Variants in CHCHD6 observed in about 807,000 individuals in gnomAD.
CHCHD6 encodes MICOS complex subunit MIC25.
CHCHD6 carries 28 observed loss-of-function variants against 32.3 expected under a neutral mutation model. That is an observed-to-expected ratio of 0.87 (90% CI 0.64 to 1.19). CHCHD6 has a LOEUF of 1.19. Among genes scored for constraint, CHCHD6 ranks in the 50% most tolerant of loss-of-function variants. The probability of loss-of-function intolerance (pLI) is 0.00; values close to 1 mark genes in which losing one functional copy is unlikely to be tolerated. For missense variants in CHCHD6, 333 were observed against 307.0 expected, an observed-to-expected ratio of 1.08 and a Z score of -0.63; for synonymous variants, 122 against 117.5, an observed-to-expected ratio of 1.04 and a Z score of -0.25.
At chr3:126,721,317 G>A (rs950918657) in intron 1 of CHCHD6, among the ~76,000 whole-genome samples, 2 of 152,188 alleles carry the variant, frequency 1.3e-5, no homozygotes, top group African/African-American at 2.4e-5. Context: ...GGCGGCAGGC[G>A]CACGGTCTCT....
intron 4 of CHCHD6, among the ~76,000 whole-genome samples, chr3:126,848,951 C>T (rs1941380587): frequency 1.3e-5 from 2 of 152,294 alleles, no homozygotes; most frequent in South Asian, 4.1e-4. Context: ...TTTCTATTGT[C>T]ACCTACACCT....
At chr3:126,795,292 CT>C (rs1480033229) in intron 4 of CHCHD6, among the ~76,000 whole-genome samples, 3 of 152,160 alleles carry the variant, frequency 2.0e-5, no homozygotes, top group Non-Finnish European at 4.4e-5. Context: ...CCTCAGCTTT[CT>C]CTTGCATGAA....
intron 4 of CHCHD6, among the ~76,000 whole-genome samples, chr3:126,803,813 G>A (rs986427835): frequency 6.6e-6 from 1 of 152,182 alleles, no homozygotes. Context: ...ATAGTTGGAA[G>A]TAAAGCTCTC....
chr3:126,777,614 A>G (rs779543025), intron 4 of CHCHD6, among the ~76,000 whole-genome samples: 7 of 152,128 alleles, frequency 4.6e-5, no homozygotes, highest in African/African-American at 7.2e-5. Flanking sequence ...TTCCCACTCC[A>G]TACTTCCCAC....
At chr3:126,875,983 TGAG>T (rs2077534483) in intron 5 of CHCHD6, among the ~76,000 whole-genome samples, 1 of 152,242 alleles carries the variant, frequency 6.6e-6, no homozygotes, top group African/African-American at 2.4e-5. Context: ...TGGCATCTAA[TGAG>T]AACAACAGCT....
At chr3:126,875,216 G>A (rs1278777284) in intron 5 of CHCHD6, among the ~76,000 whole-genome samples, 1 of 152,232 alleles carries the variant, frequency 6.6e-6, no homozygotes, top group Non-Finnish European at 1.5e-5. Context: ...AGAATCCAGA[G>A]CAGGAAGAGG....
At chr3:126,911,139 G>C (rs2078084623) in intron 5 of CHCHD6, among the ~76,000 whole-genome samples, 1 of 152,224 alleles carries the variant, frequency 6.6e-6, no homozygotes, top group African/African-American at 2.4e-5. Flanking sequence ...CTGCCAGGCT[G>C]TCCTTTCAGG....
intron 1 of CHCHD6, among the ~76,000 whole-genome samples, chr3:126,708,182 C>G (rs1934586856): frequency 6.6e-6 from 1 of 152,208 alleles, no homozygotes; most frequent in Admixed American, 6.5e-5. Context: ...GCTAAGCACT[C>G]TGCCAAGTGT....
intron 5 of CHCHD6, among the ~76,000 whole-genome samples, chr3:126,858,678 A>G (rs1384939860): frequency 6.6e-6 from 1 of 152,208 alleles, no homozygotes. Flanking sequence ...ATGGAGAGAC[A>G]CAGCCAGAAT....
chr3:126,916,401 A>G (rs141872063), intron 6 of CHCHD6, among the ~76,000 whole-genome samples: 163 of 2,436 alleles, frequency 0.067, no homozygotes, highest in Non-Finnish European at 0.094. Context: ...AATCCATCTT[A>G]AAAAAAAAAA....
chr3:126,763,068 T>C (rs953535151), intron 4 of CHCHD6, among the ~76,000 whole-genome samples: 13 of 152,362 alleles, frequency 8.5e-5, no homozygotes, highest in Non-Finnish European at 1.6e-4. Context: ...TTTTGCTATT[T>C]GTATAGCTTT....
intron 4 of CHCHD6, among the ~76,000 whole-genome samples, chr3:126,835,464 G>A (rs986630857): frequency 7.2e-5 from 11 of 152,332 alleles, no homozygotes; most frequent in African/African-American, 2.2e-4. Context: ...GAGGTCTGAA[G>A]TGCCATCAGA....
chr3:126,832,963 C>T (rs1940702451), intron 4 of CHCHD6, among the ~76,000 whole-genome samples: 1 of 152,196 alleles, frequency 6.6e-6, no homozygotes, highest in African/African-American at 2.4e-5. Context: ...TTGGGTTATG[C>T]ACTTGGCAGA....
At chr3:126,873,275 G>T (rs2077500587) in intron 5 of CHCHD6, among the ~76,000 whole-genome samples, 2 of 152,204 alleles carry the variant, frequency 1.3e-5, no homozygotes. Flanking sequence ...AGACCTGGTG[G>T]TTGTTCAAGT....
chr3:126,844,185 C>T (rs886797502), intron 4 of CHCHD6, among the ~76,000 whole-genome samples: 1 of 152,140 alleles, frequency 6.6e-6, no homozygotes, highest in Non-Finnish European at 1.5e-5. Context: ...GCATGTGTTT[C>T]CTGCTGTTGT....
At chr3:126,875,077 C>G (rs768563839) in intron 5 of CHCHD6, among the ~76,000 whole-genome samples, 2 of 152,240 alleles carry the variant, frequency 1.3e-5, no homozygotes, top group Non-Finnish European at 2.9e-5. Context: ...GGAAGCCTCT[C>G]TGGATCCCAC....
intron 5 of CHCHD6, among the ~76,000 whole-genome samples, chr3:126,871,418 C>A (rs528958371): frequency 6.6e-6 from 1 of 152,102 alleles, no homozygotes; most frequent in Non-Finnish European, 1.5e-5. Context: ...GGTGCTTCTA[C>A]GAAAACTTCC....
At chr3:126,852,031 C>T (rs532786016) in intron 4 of CHCHD6, among the ~76,000 whole-genome samples, 2 of 152,338 alleles carry the variant, frequency 1.3e-5, no homozygotes, top group Non-Finnish European at 2.9e-5. Flanking sequence ...ACTCAACCAT[C>T]CCCATCAGGC....
At chr3:126,830,003 C>G (rs569146167) in intron 4 of CHCHD6, among the ~76,000 whole-genome samples, 1 of 152,266 alleles carries the variant, frequency 6.6e-6, no homozygotes, top group African/African-American at 2.4e-5. Context: ...GAGGCTGAAA[C>G]AGGAGAATTG....
Sources: gnomAD v4.1 joint callset for allele counts (sites outside exome capture counted in the v4.1 genomes callset) on GRCh38, gnomAD v4.1.1 for gene constraint, MANE v1.5 for transcripts, NCBI Gene and HGNC (gene_info 2026-07-23, HGNC 2026-07-21) for gene names.